The following AGMO variants were observed in gnomAD, a reference collection of about 807,000 sequenced individuals.
AGMO encodes the protein alkylglycerol monooxygenase, also known as glyceryl-ether monooxygenase.
In AGMO, 75 loss-of-function variants were observed where a neutral mutation model predicts 60.2. The ratio of observed to expected loss-of-function variants is 1.25; its 90% CI spans 1.03 to 1.51. AGMO has a LOEUF of 1.51. Among genes scored for constraint, AGMO ranks in the 40% most tolerant of loss-of-function variants. The probability of loss-of-function intolerance (pLI) is 0.00; values close to 1 mark genes in which losing one functional copy is unlikely to be tolerated. For synonymous variants in AGMO, 261 were observed against 177.1 expected, an observed-to-expected ratio of 1.47 and a Z score of -3.76; for missense variants, 763 against 525.5, an observed-to-expected ratio of 1.45 and a Z score of -4.42.
intron 3 of AGMO, among the ~76,000 whole-genome samples, chr7:15,491,053 A>T (rs1783053207): frequency 6.6e-6 from 1 of 152,142 alleles, no homozygotes; most frequent in South Asian, 2.1e-4. Flanking sequence ...AAATCTGAGA[A>T]CTCTAATCTG....
At chr7:15,524,635 G>A (rs1784077358) in intron 3 of AGMO, among the ~76,000 whole-genome samples, 1 of 152,100 alleles carries the variant, frequency 6.6e-6, no homozygotes, top group East Asian at 1.9e-4. Context: ...GGCCAAGGTG[G>A]GCAGATCACC....
intron 9 of AGMO, among the ~76,000 whole-genome samples, chr7:15,385,955 C>A (rs542561315): frequency 6.6e-6 from 1 of 151,868 alleles, no homozygotes; most frequent in South Asian, 2.1e-4. Flanking sequence ...CCGAGGCAGG[C>A]GGATCATTTG....
At chr7:15,198,374 C>T (rs1339150487), downstream of AGMO, among the ~76,000 whole-genome samples, 3 of 152,114 alleles carry the variant, frequency 2.0e-5, no homozygotes, top group Non-Finnish European at 4.4e-5. Flanking sequence ...TGTATTAGTG[C>T]TCTGCAAAAG....
At chr7:15,320,178 G>A (rs558114935) in intron 12 of AGMO, among the ~76,000 whole-genome samples, 2 of 152,004 alleles carry the variant, frequency 1.3e-5, no homozygotes, top group Admixed American at 1.3e-4. Context: ...GAGTTAATGG[G>A]TGCAGCACAC....
intron 5 of AGMO, among the ~76,000 whole-genome samples, chr7:15,416,781 C>G (rs1422154339): frequency 6.6e-6 from 1 of 152,126 alleles, no homozygotes; most frequent in East Asian, 1.9e-4. Flanking sequence ...GAGTATCTTT[C>G]TAGACTAAAG....
intron 10 of AGMO, among the ~76,000 whole-genome samples, chr7:15,382,319 G>A (rs184962735): frequency 2.0e-5 from 3 of 152,170 alleles, no homozygotes; most frequent in Non-Finnish European, 2.9e-5. Context: ...TACTAATACT[G>A]TGCTGATTTT....
At chr7:15,296,161 C>T (rs1356598958) in intron 12 of AGMO, among the ~76,000 whole-genome samples, 1 of 152,000 alleles carries the variant, frequency 6.6e-6, no homozygotes, top group Non-Finnish European at 1.5e-5. Context: ...ACTATACAAT[C>T]ACTAAGTTTA....
chr7:15,284,127 T>A (rs560188146), intron 12 of AGMO, among the ~76,000 whole-genome samples: 1 of 151,962 alleles, frequency 6.6e-6, no homozygotes, highest in African/African-American at 2.4e-5. Context: ...CATCAAAAAG[T>A]ATAAAAGATC....
the AGMO span, among the ~76,000 whole-genome samples, chr7:15,143,911 C>A: frequency 1.3e-5 from 2 of 152,096 alleles, no homozygotes; most frequent in East Asian, 3.9e-4. Context: ...AGAAAGCCAG[C>A]GCACTGTACA....
chr7:15,515,188 C>A (rs1162845997), intron 3 of AGMO, among the ~76,000 whole-genome samples: 5 of 152,276 alleles, frequency 3.3e-5, no homozygotes. Context: ...TCTGTTTATG[C>A]TTCTGAAACT....
At chr7:15,493,359 A>AC (rs1783122885) in intron 3 of AGMO, among the ~76,000 whole-genome samples, 1 of 84,960 alleles carries the variant, frequency 1.2e-5, no homozygotes, top group Non-Finnish European at 2.2e-5. Context: ...ACACACACAC[A>AC]CACTTCTTTT....
At chr7:15,536,969 T>C (rs1165013240) in intron 3 of AGMO, among the ~76,000 whole-genome samples, 2 of 152,062 alleles carry the variant, frequency 1.3e-5, no homozygotes, top group Non-Finnish European at 2.9e-5. Context: ...TAATGCATCA[T>C]GCATATTTAG....
intron 10 of AGMO, among the ~76,000 whole-genome samples, chr7:15,383,958 C>A (rs1365387821): frequency 6.6e-6 from 1 of 151,674 alleles, no homozygotes; most frequent in Non-Finnish European, 1.5e-5. Flanking sequence ...TTGTTTGAGA[C>A]TGAGTCTCGC....
At chr7:15,553,011 G>A (rs1362556163) in intron 2 of AGMO, among the ~76,000 whole-genome samples, 1 of 151,940 alleles carries the variant, frequency 6.6e-6, no homozygotes, top group Non-Finnish European at 1.5e-5. Flanking sequence ...ATGAGTTCAT[G>A]TCCTTTGTAG....
the AGMO span, among the ~76,000 whole-genome samples, chr7:15,141,251 T>C: frequency 4.6e-5 from 7 of 152,104 alleles, no homozygotes; most frequent in Admixed American, 4.6e-4. Flanking sequence ...TTTTGTCTTC[T>C]TGGAGACTTC....
At chr7:15,143,867 T>C in the AGMO span, among the ~76,000 whole-genome samples, 1 of 152,190 alleles carries the variant, frequency 6.6e-6, no homozygotes, top group East Asian at 1.9e-4. Flanking sequence ...AATCATTTTG[T>C]GAATGCTCAA....
intron 12 of AGMO, among the ~76,000 whole-genome samples, chr7:15,222,460 A>G (rs1781951220): frequency 6.6e-6 from 1 of 152,106 alleles, no homozygotes; most frequent in Admixed American, 6.6e-5. Context: ...GATCTTTAGC[A>G]TTCACTCAAA....
intron 12 of AGMO, among the ~76,000 whole-genome samples, chr7:15,221,780 C>G (rs1441943049): frequency 2.0e-5 from 3 of 152,090 alleles, no homozygotes; most frequent in Non-Finnish European, 2.9e-5. Context: ...TTGCCCTTCC[C>G]CTAGAGAAAA....
At chr7:15,515,009 C>CTTTCTGCAT (rs1423377040) in intron 3 of AGMO, among the ~76,000 whole-genome samples, 1 of 152,188 alleles carries the variant, frequency 6.6e-6, no homozygotes, top group African/African-American at 2.4e-5. Flanking sequence ...TTGGCCTCCT[C>CTTTCTGCAT]TTTCTGCATT....
Sources: gnomAD v4.1 joint callset for allele counts (sites outside exome capture counted in the v4.1 genomes callset) on GRCh38, gnomAD v4.1.1 for gene constraint, MANE v1.5 for transcripts, NCBI Gene and HGNC (gene_info 2026-07-23, HGNC 2026-07-21) for gene names.